TET1: variants seen among roughly 807,000 people sequenced by gnomAD.
The protein encoded by TET1 is methylcytosine dioxygenase TET1.
TET1 carries 13 observed loss-of-function variants against 148.7 expected under a neutral mutation model. The ratio of observed to expected loss-of-function variants is 0.09; its 90% confidence interval spans 0.06 to 0.14. The LOEUF (loss-of-function observed/expected upper bound fraction) is 0.14, where lower values mean the gene tolerates loss of function less well. TET1 is among the 10% of genes least tolerant of loss of function. The pLI is 1.00. For missense variants in TET1, 2,182 were observed against 2,553.8 expected (o/e 0.85, Z 3.14); for synonymous variants, 907 against 937.2 (o/e 0.97, Z 0.59).
intron 3 of TET1, among the ~76,000 whole-genome samples, chr10:68,637,518 CTTTTT>C (rs34260111): frequency 9.4e-6 from 1 of 106,374 alleles, no homozygotes. Flanking sequence ...GTTTCCTATT[CTTTTT>C]TTTTTTTTTT....
At chr10:68,661,734 C>T (rs980330487) in intron 6 of TET1, among the ~76,000 whole-genome samples, 6 of 152,000 alleles carry the variant, frequency 3.9e-5, no homozygotes, top group Non-Finnish European at 5.9e-5. Context: ...ATCCTCCTAC[C>T]TTGGCCTCTC....
rs2054733145 is a variant in TET1, at chr10:68,640,550, T to TTTTC, written c.1969-4145_1969-4144insCTTT. On this transcript the variant is annotated intron_variant, in intron 3 of 11. Transcript: ENST00000373644. ...TCTTTTTCTTTCTTTCTTTCTTTTT[T>TTTTC]TTTTTTTTTTTTTTTTTTTGAGATG... 7.7e-5 allele frequency among the ~76,000 whole-genome samples: 7 copies of TTTTC among 91,366 alleles called. 1 individual carries two copies. The highest frequency in any genetic ancestry group is 5.7e-4 in the Admixed American group (5 of 8,698). The allele number at this position is 91,366 out of a possible 152,430, so 59.9% of individuals were successfully genotyped here. A position where few individuals can be genotyped will look rare whatever the true frequency, so the allele number is the denominator to read the frequency against.
At chr10:68,654,101 G>A (rs1367125492) in intron 6 of TET1, among the ~76,000 whole-genome samples, 3 of 34,726 alleles carry the variant, frequency 8.6e-5, no homozygotes, top group East Asian at 9.7e-4. Context: ...GAGCAAAAAT[G>A]TCTCCAAAAA....
At chr10:68,592,083 C>T (rs111427853) in intron 2 of TET1, among the ~76,000 whole-genome samples, 4,818 of 152,088 alleles carry the variant, frequency 0.032, 126 homozygotes, top group African/African-American at 0.075. Flanking sequence ...TTTGGGAGGC[C>T]GAGGTGGGTG....
intron 6 of TET1, among the ~76,000 whole-genome samples, chr10:68,655,470 A>G (rs1000068022): frequency 1.3e-5 from 2 of 152,116 alleles, no homozygotes; most frequent in East Asian, 1.9e-4. Flanking sequence ...TCCTTTGTCT[A>G]TTAAGTGGTA....
chr10:68,624,770 C>G (rs1216748630), intron 3 of TET1, among the ~76,000 whole-genome samples: 1 of 145,496 alleles, frequency 6.9e-6, no homozygotes, highest in Non-Finnish European at 1.5e-5. Flanking sequence ...CTTGCTCTGT[C>G]GCCCAGGCTG....
At chr10:68,584,507 G>A (rs551151147) in intron 2 of TET1, among the ~76,000 whole-genome samples, 54 of 151,280 alleles carry the variant, frequency 3.6e-4, no homozygotes, top group African/African-American at 1.2e-3. Flanking sequence ...CCAGAAGTTC[G>A]AGACCAGCCT....
In TET1 at chr10:68,693,687, T is replaced by A. The variant is rs1466226299; in HGVS notation, c.*1873T>A. ...TAAGACATGTATATTTTTGTGAGCC[T>A]AAGGTTTCTTATATACATATAAGTA... On this transcript the variant is annotated 3_prime_UTR_variant, in exon 12 of 12. Coordinates refer to ENST00000373644, the MANE Select transcript of TET1 (RefSeq NM_030625.3). The A allele has an allele frequency of 2.2e-5, 5 of 231,888 alleles. No individual in the cohort carries two copies. Among genetic ancestry groups the A allele is most frequent in the African/African-American group, 1.1e-4 (5 of 45,294 alleles). 14.4% of individuals were successfully genotyped at this position (231,888 alleles called of 1,614,324 possible).
In TET1 at chr10:68,645,741, T is replaced by C; in HGVS notation, c.3012T>C (p.Ser1004=). 2 of 1,614,158 alleles carry C rather than the reference T, an allele frequency of 1.2e-6. No individual in the cohort carries two copies. The highest frequency in any genetic ancestry group is 1.7e-6 in the Non-Finnish European group (2 of 1,180,022). The change falls in exon 4 of 12, where the codon TCT becomes TCC. Residue 1004 remains serine, a synonymous_variant. Coordinates refer to ENST00000373644, the MANE Select transcript of TET1 (RefSeq NM_030625.3). ...ATTCAAAAGTCACAAATTCATTATC[T>C]CTTTTTATACCAAAATCAAATTCAT... The part of the protein sequence containing the change: ...HEYSKVTNSL[S]LFIPKSNSSK...
At chr10:68,583,468 G>T (rs909601556) in intron 2 of TET1, among the ~76,000 whole-genome samples, 1 of 152,138 alleles carries the variant, frequency 6.6e-6, no homozygotes, top group African/African-American at 2.4e-5. Flanking sequence ...ATATCCAGAA[G>T]GTGTTGGCTA....
rs1564988036 is a variant in TET1, at chr10:68,644,853, G to C, written c.2124G>C (p.Glu708Asp). 6.2e-7 allele frequency: 1 copy of C among 1,613,876 alleles called. No homozygotes were observed. The highest frequency in any genetic ancestry group is 8.5e-7 in the Non-Finnish European group (1 of 1,179,900). ...ACAGCATGACAGGCATCGAGGTGGA[G>C]AAGTGGACACAAAACAAGAAATCAC... ...NEDSMTGIEVEKWTQNKKSQL... is the reference protein window; with the variant it reads ...NEDSMTGIEVDKWTQNKKSQL... Residue 708 changes from glutamate to aspartate, a missense_variant, in exon 4 of 12, where the codon GAG (glutamate) becomes GAC (aspartate). This residue lies in a region of TET1 where 226 missense variants were observed against 307.4 expected (regional missense o/e 0.74). Transcript: ENST00000373644.
chr10:68,627,412 A>AT (rs2054500940), intron 3 of TET1, among the ~76,000 whole-genome samples: 1 of 131,182 alleles, frequency 7.6e-6, no homozygotes, highest in African/African-American at 2.6e-5. Flanking sequence ...TGTCTCCGAA[A>AT]AAAAAAATAA....
intron 3 of TET1, among the ~76,000 whole-genome samples, chr10:68,605,488 T>C (rs954231171): frequency 2.0e-5 from 3 of 152,204 alleles, no homozygotes; most frequent in African/African-American, 7.2e-5. Context: ...AACATTCCCA[T>C]CATTTATAAA....
rs60168326 is a variant in TET1, at chr10:68,663,777, G to A, written c.4462-3268G>A. ...TTTAGTGTTCTCCTGGTTTTTGGAA[G>A]GAGGGTAATTAAAAAGCTGTTTAAA... is the stretch of plus-strand genomic sequence containing the variant. On this transcript the variant is annotated intron_variant, in intron 6 of 11. Coordinates refer to ENST00000373644, the MANE Select transcript of TET1 (RefSeq NM_030625.3). Among the ~76,000 whole-genome samples the A allele has an allele frequency of 4.5e-3, 686 of 152,294 alleles. 39 individuals are homozygous for A. In the East Asian group the frequency reaches 0.11, roughly 25 times the overall value.
chr10:68,603,226 T>C (rs2054081047), intron 3 of TET1, among the ~76,000 whole-genome samples: 6 of 152,230 alleles, frequency 3.9e-5, no homozygotes, highest in Admixed American at 3.9e-4. Context: ...TTTGACTTTA[T>C]CCTTTTAGAT....
intron 3 of TET1, among the ~76,000 whole-genome samples, chr10:68,641,711 C>T (rs10762235): frequency 0.7 from 105,783 of 151,818 alleles, 39,375 homozygotes; most frequent in East Asian, 0.84. Flanking sequence ...CCATATTGGT[C>T]AAGATGGTCT....
intron 3 of TET1, among the ~76,000 whole-genome samples, chr10:68,624,517 G>C (rs542443919): frequency 1.8e-4 from 28 of 151,954 alleles, no homozygotes; most frequent in Non-Finnish European, 3.2e-4. Context: ...TGGAACTCCC[G>C]ACCTCAGGTG....
chr10:68,601,026 G>A lies in TET1; in HGVS notation c.1960G>A (p.Val654Ile). 6.2e-7 allele frequency: 1 copy of A among 1,603,126 alleles called. No homozygotes were observed. The highest frequency in any genetic ancestry group is 8.5e-7 in the Non-Finnish European group (1 of 1,177,414). Residue 654 changes from valine to isoleucine, a missense_variant, in exon 3 of 12, where the codon GTT becomes ATT. Transcript: ENST00000373644. ...KRPQREKKPKVLKADFDNKPV... is the reference protein window; with the variant it reads ...KRPQREKKPKILKADFDNKPV... The stretch of plus-strand genomic sequence containing the variant: ...GCCCCAGAGGGAAAAGAAGCCCAAA[G>A]TTTTAAAGGTAATCAGCTGTTGATT...
intron 11 of TET1, 109 bp from the exon 12 acceptor site, chr10:68,690,699 A>T: frequency 9.5e-7 from 1 of 1,049,808 alleles, no homozygotes; most frequent in Non-Finnish European, 1.3e-6. Flanking sequence ...ACACAACATC[A>T]GCGTTTTCTT....
Sources: allele counts gnomAD v4.1 joint callset (sites outside exome capture counted in the v4.1 genomes callset), GRCh38; gene constraint gnomAD v4.1.1; regional missense constraint gnomAD v4.1.1; transcripts MANE v1.5; gene names NCBI Gene and HGNC (gene_info 2026-07-23, HGNC 2026-07-21).